Variants in TMEM132D observed in about 807,000 individuals in gnomAD.
TMEM132D encodes mature OL transmembrane protein.
In TMEM132D, 21 loss-of-function variants were observed where a neutral mutation model predicts 62.3. The ratio of observed to expected loss-of-function variants is 0.34; its 90% CI spans 0.24 to 0.49. The LOEUF (loss-of-function observed/expected upper bound fraction) is 0.49. Ranked by LOEUF, TMEM132D falls within the 20% of genes least tolerant of loss-of-function variation. The pLI, the probability that TMEM132D is intolerant of heterozygous loss-of-function variation, is 0.99. For missense variants in TMEM132D, 1,346 were observed against 1,402.8 expected, an observed-to-expected ratio of 0.96 and a Z score of 0.65; for synonymous variants, 621 against 575.6, an observed-to-expected ratio of 1.08 and a Z score of -1.13.
chr12:129,214,178 G>A (rs1418969659), intron 4 of TMEM132D, among the ~76,000 whole-genome samples: 1 of 152,234 alleles, frequency 6.6e-6, no homozygotes, highest in Non-Finnish European at 1.5e-5. Context: ...CAAGGGAAAT[G>A]TGTAGGGCCC....
intron 1 of TMEM132D, among the ~76,000 whole-genome samples, chr12:129,714,988 G>A (rs1388950071): frequency 6.6e-6 from 1 of 152,128 alleles, no homozygotes; most frequent in Non-Finnish European, 1.5e-5. Flanking sequence ...CAGGCAATCA[G>A]TATGCAGGGA....
At chr12:129,105,453 T>G in intron 5 of TMEM132D, among the ~76,000 whole-genome samples, 3 of 133,248 alleles carry the variant, frequency 2.3e-5, no homozygotes, top group Admixed American at 7.4e-5. Flanking sequence ...AGATGACGAG[T>G]TAGTGGGTGC....
chr12:129,845,579 G>A (rs910829181), intron 1 of TMEM132D, among the ~76,000 whole-genome samples: 2 of 152,148 alleles, frequency 1.3e-5, no homozygotes, highest in Non-Finnish European at 2.9e-5. Flanking sequence ...TGCCCCACTG[G>A]TAAGGTCTGT....
Position 129,444,650 on chromosome 12 carries a change from C to T in TMEM132D, c.1115+86409G>A, listed in dbSNP as rs1253696093. On this transcript the variant is annotated intron_variant, in intron 3 of 8. Coordinates refer to ENST00000422113, the MANE Select transcript of TMEM132D (RefSeq NM_133448.3). ...CTGACAGGCCCCAGTTGTGTTGTTC[C>T]CCTCTCTTTGTCCGTGTATTCTCAT... is the stretch of plus-strand genomic sequence containing the variant. Among the ~76,000 whole-genome samples, 5 of 152,120 alleles carry T rather than the reference C, an allele frequency of 3.3e-5. No individual in the cohort carries two copies. The South Asian group carries it at 6.2e-4, about 19-fold the overall frequency.
At chr12:129,082,928 C>T (rs1405143498) in intron 6 of TMEM132D, among the ~76,000 whole-genome samples, 1 of 151,798 alleles carries the variant, frequency 6.6e-6, no homozygotes, top group Admixed American at 6.6e-5. Flanking sequence ...TGTGGTCTTG[C>T]TGTGTTGCCC....
intron 3 of TMEM132D, among the ~76,000 whole-genome samples, chr12:129,467,037 C>A (rs958395667): frequency 2.6e-5 from 4 of 152,142 alleles, no homozygotes; most frequent in Admixed American, 6.5e-5. Context: ...TGATCTGACA[C>A]ACGGTAGGTG....
At chr12:129,321,938 T>C (rs1005362274) in intron 4 of TMEM132D, among the ~76,000 whole-genome samples, 2 of 152,218 alleles carry the variant, frequency 1.3e-5, no homozygotes, top group Non-Finnish European at 2.9e-5. Flanking sequence ...GATATGTCTA[T>C]GTCTTTTGCT....
At chr12:129,199,127 T>G (rs1878625220) in intron 5 of TMEM132D, among the ~76,000 whole-genome samples, 1 of 37,550 alleles carries the variant, frequency 2.7e-5, no homozygotes, top group African/African-American at 9.1e-5. Context: ...TTTTTTTTTT[T>G]GAAACAGGGT....
intron 1 of TMEM132D, among the ~76,000 whole-genome samples, chr12:129,808,205 C>T (rs1309043791): frequency 6.6e-6 from 1 of 152,202 alleles, no homozygotes; most frequent in Admixed American, 6.5e-5. Flanking sequence ...CAACACCATT[C>T]TCTCTCATCG....
chr12:129,102,046 G>C (rs1565964407), intron 5 of TMEM132D, among the ~76,000 whole-genome samples: 1 of 149,514 alleles, frequency 6.7e-6, no homozygotes, highest in Non-Finnish European at 1.5e-5. Context: ...AAACAAGCCA[G>C]GTCTGTGACA....
chr12:129,231,927 A>G (rs974720645), intron 4 of TMEM132D, among the ~76,000 whole-genome samples: 3 of 152,220 alleles, frequency 2.0e-5, no homozygotes, highest in African/African-American at 7.2e-5. Flanking sequence ...CAAAATTTCA[A>G]TGCCTTGGGC....
At chr12:129,455,947 G>C (rs529208622) in intron 3 of TMEM132D, among the ~76,000 whole-genome samples, 1 of 152,304 alleles carries the variant, frequency 6.6e-6, no homozygotes, top group East Asian at 1.9e-4. Flanking sequence ...CTCAAGAGGA[G>C]AGACAGTGGA....
At chr12:129,563,731 G>GTCAACCCACAGACAT (rs1011472110) in intron 2 of TMEM132D, among the ~76,000 whole-genome samples, 1 of 152,060 alleles carries the variant, frequency 6.6e-6, no homozygotes, top group Non-Finnish European at 1.5e-5. Context: ...AAGAGGGAGG[G>GTCAACCCACAGACAT]TCAACCCACA....
At chr12:129,533,924 G>C (rs1007679805) in intron 2 of TMEM132D, among the ~76,000 whole-genome samples, 1 of 152,192 alleles carries the variant, frequency 6.6e-6, no homozygotes, top group Non-Finnish European at 1.5e-5. Context: ...GAAAATCTAT[G>C]TAATAAACTG....
chr12:129,344,288 C>A (rs531808003), intron 3 of TMEM132D, among the ~76,000 whole-genome samples: 1 of 152,276 alleles, frequency 6.6e-6, no homozygotes, highest in African/African-American at 2.4e-5. Context: ...GTGCAGAAAG[C>A]CTGGTCCAAG....
chr12:129,395,648 T>G (rs1289547253), intron 3 of TMEM132D, among the ~76,000 whole-genome samples: 1 of 135,384 alleles, frequency 7.4e-6, no homozygotes, highest in Non-Finnish European at 1.6e-5. Context: ...GGATATGAGA[T>G]GTACTTATAA....
intron 4 of TMEM132D, among the ~76,000 whole-genome samples, chr12:129,256,006 A>AG (rs1485803440): frequency 4.9e-4 from 74 of 152,342 alleles, no homozygotes; most frequent in African/African-American, 1.7e-3. Context: ...AAAGAAAGGA[A>AG]GAAGTGCTAT....
intron 2 of TMEM132D, among the ~76,000 whole-genome samples, chr12:129,649,917 T>C (rs1255648429): frequency 2.0e-5 from 3 of 151,948 alleles, no homozygotes; most frequent in African/African-American, 4.8e-5. Flanking sequence ...TATGTGTACG[T>C]GTGTGTGTAT....
intron 4 of TMEM132D, among the ~76,000 whole-genome samples, chr12:129,320,287 A>AT (rs1243981855): frequency 1.3e-5 from 2 of 152,340 alleles, no homozygotes; most frequent in Admixed American, 6.5e-5. Flanking sequence ...TGAAAAGAAG[A>AT]TAAACCATCA....
Sources: gnomAD v4.1 joint callset for allele counts (sites outside exome capture counted in the v4.1 genomes callset) on GRCh38, gnomAD v4.1.1 for gene constraint, MANE v1.5 for transcripts, NCBI Gene and HGNC (gene_info 2026-07-23, HGNC 2026-07-21) for gene names.